Variants in UNC13B observed in about 807,000 individuals in gnomAD.
UNC13B encodes the protein protein unc-13 homolog B.
UNC13B carries 144 observed loss-of-function variants against 211.0 expected under a neutral mutation model. That is an observed-to-expected ratio of 0.68 (90% CI 0.60 to 0.78). UNC13B has a LOEUF of 0.78. Among genes scored for constraint, UNC13B ranks in the 30% least tolerant of loss-of-function variants. The pLI, the probability that UNC13B is intolerant of heterozygous loss-of-function variation, is 0.00. For synonymous variants in UNC13B, 709 were observed against 725.8 expected (o/e 0.98, Z 0.37); for missense variants, 1,777 against 2,002.0 (o/e 0.89, Z 2.14).
At chr9:35,203,753 T>TGGAACTTATTTAAAAG (rs1823469913) in intron 1 of UNC13B, among the ~76,000 whole-genome samples, 1 of 152,180 alleles carries the variant, frequency 6.6e-6, no homozygotes, top group Non-Finnish European at 1.5e-5. Flanking sequence ...GACCTGAAAC[T>TGGAACTTATTTAAAAG]GGAACTTATT....
chr9:35,319,003 T>C (rs1830601991), intron 11 of UNC13B, among the ~76,000 whole-genome samples: 1 of 152,196 alleles, frequency 6.6e-6, no homozygotes, highest in East Asian at 1.9e-4. Context: ...AAAGAAAATA[T>C]AGCAAGTTGT....
At chr9:35,391,723 G>A (rs769403772) in intron 26 of UNC13B, among the ~76,000 whole-genome samples, 1 of 152,230 alleles carries the variant, frequency 6.6e-6, no homozygotes, top group Non-Finnish European at 1.5e-5. Flanking sequence ...TCTGGCTCCA[G>A]TGGGTTTGGG....
At chr9:35,194,386 GTCCAGAAGCCTT>G (rs1822827256) in intron 1 of UNC13B, among the ~76,000 whole-genome samples, 1 of 152,200 alleles carries the variant, frequency 6.6e-6, no homozygotes. Context: ...ACTGGGATCA[GTCCAGAAGCCTT>G]TGGATAACAC....
intron 11 of UNC13B, among the ~76,000 whole-genome samples, chr9:35,357,168 A>C (rs1401282551): frequency 6.6e-6 from 1 of 152,218 alleles, no homozygotes; most frequent in Non-Finnish European, 1.5e-5. Flanking sequence ...ACTGTTTTCC[A>C]AAGTCATTGC....
intron 1 of UNC13B, among the ~76,000 whole-genome samples, chr9:35,192,040 G>T (rs1822687456): frequency 6.6e-6 from 1 of 152,270 alleles, no homozygotes; most frequent in African/African-American, 2.4e-5. Context: ...GTTTGGATAG[G>T]GAGAGAGAAG....
intron 1 of UNC13B, among the ~76,000 whole-genome samples, chr9:35,214,480 G>A (rs117415681): frequency 0.065 from 9,808 of 151,850 alleles, 597 homozygotes; most frequent in Admixed American, 0.19. Context: ...AAGAAACTAG[G>A]TATATTTGAA....
chr9:35,182,716 C>T (rs1395929084), intron 1 of UNC13B, among the ~76,000 whole-genome samples: 3 of 152,202 alleles, frequency 2.0e-5, no homozygotes, highest in Non-Finnish European at 4.4e-5. Flanking sequence ...TAACAAAGCA[C>T]ATCTTGCACC....
intron 1 of UNC13B, among the ~76,000 whole-genome samples, chr9:35,213,152 T>A (rs1453309216): frequency 6.6e-6 from 1 of 152,228 alleles, no homozygotes; most frequent in Non-Finnish European, 1.5e-5. Context: ...TGAATTGTGA[T>A]GCCCTCCACC....
chr9:35,165,432 A>G (rs1209965714), intron 1 of UNC13B, among the ~76,000 whole-genome samples: 1 of 115,744 alleles, frequency 8.6e-6, no homozygotes, highest in Non-Finnish European at 1.9e-5. Context: ...TTTTTTTTTT[A>G]ATTTTTTGAG....
At chr9:35,369,205 A>G (rs1427470103) in intron 12 of UNC13B, among the ~76,000 whole-genome samples, 1 of 152,138 alleles carries the variant, frequency 6.6e-6, no homozygotes, top group Admixed American at 6.5e-5. Flanking sequence ...CTTTGCCTAG[A>G]TAGCTACAAG....
intron 24 of UNC13B, 40 bp from the exon 25 acceptor site, chr9:35,389,802 TCTGA>T: frequency 6.2e-7 from 1 of 1,609,062 alleles, no homozygotes; most frequent in Non-Finnish European, 8.5e-7. Context: ...TACATTCTAC[TCTGA>T]CTCTTTCTCC....
intron 1 of UNC13B, among the ~76,000 whole-genome samples, chr9:35,210,064 AC>A (rs1289289452): frequency 6.6e-6 from 1 of 152,092 alleles, no homozygotes; most frequent in East Asian, 1.9e-4. Context: ...ACAAAATAAT[AC>A]CCAGTTACTA....
rs1829882217 is a variant in UNC13B at position 35,305,521 on chromosome 9, G to A, written c.6117G>A (p.Gly2039=). Residue 2039 remains glycine (G), a synonymous_variant, in exon 9 of 40, where the codon GGG becomes GGA. Transcript: ENST00000635942. ...NFPAAPISSK[G]KARVRRLNKQ... is the part of the protein sequence containing the mutation. The stretch of plus-strand genomic sequence containing the variant: ...CTGCTGCACCAATTTCCTCTAAAGG[G>A]AAGGCTAGAGTTAGAAGACTGAACA... 1 of 399,012 alleles carries A rather than the reference G, an allele frequency of 2.5e-6. No individual in the cohort carries two copies. 24.7% of individuals were successfully genotyped at this position (399,012 alleles called of 1,614,324 possible).
chr9:35,242,852 G>T (rs1825882952), intron 5 of UNC13B, among the ~76,000 whole-genome samples: 1 of 152,020 alleles, frequency 6.6e-6, no homozygotes, highest in South Asian at 2.1e-4. Context: ...AATTTTTTTG[G>T]GAGAAAACCT....
Position 35,378,359 on chromosome 9 carries a change from G to A in UNC13B, c.10128G>A (p.Val3376=), listed in dbSNP as rs766973339. The part of the protein sequence containing the change: ...KTGSSDPYVT[V]QVSKTKKRTK... ...GATCCAGTGACCCTTACGTGACTGT[G>A]CAAGTCAGCAAAACTAAGAAGCGTA... Residue 3376 remains valine (V), a synonymous_variant, in exon 17 of 40, where the codon GTG becomes GTA. Transcript: ENST00000635942. 53 of 1,614,030 alleles carry A rather than the reference G, an allele frequency of 3.3e-5. No individual in the cohort carries two copies. Among genetic ancestry groups the A allele is most frequent in the Non-Finnish European group, 3.6e-5 (42 of 1,180,020 alleles).
chr9:35,217,636 G>A (rs112553322), intron 1 of UNC13B, among the ~76,000 whole-genome samples: 14 of 152,048 alleles, frequency 9.2e-5, no homozygotes, highest in Non-Finnish European at 1.5e-4. Context: ...TGATCCGCCC[G>A]CCTCGGCCTC....
At chr9:35,386,120 A>C (rs752743889) in intron 23 of UNC13B, 45 bp from the exon 24 acceptor site, 3 of 1,612,612 alleles carry the variant, frequency 1.9e-6, no homozygotes, top group Admixed American at 3.3e-5. Context: ...TATCCCACCC[A>C]GGTGAGCAGG....
In UNC13B at chr9:35,403,615, G is replaced by T. The variant is rs748147337; in HGVS notation, c.12737+16G>T. On this transcript the variant is annotated intron_variant, in intron 39 of 39. Coordinates refer to ENST00000635942, the MANE Select transcript of UNC13B (RefSeq NM_001371189.2). ...CATTCCACTTGTAAGTTACGGGGGG[G>T]ACATACAGGACTCTGGGATGGGGGT... 6.7e-6 allele frequency: 9 copies of T among 1,352,674 alleles called. No homozygotes were observed. Among genetic ancestry groups the T allele is most frequent in the Non-Finnish European group, 8.8e-6 (9 of 1,020,712 alleles). 83.8% of individuals were successfully genotyped at this position (1,352,674 alleles called of 1,614,324 possible).
chr9:35,181,963 G>C (rs1011610470), intron 1 of UNC13B, among the ~76,000 whole-genome samples: 3 of 152,196 alleles, frequency 2.0e-5, no homozygotes, highest in Non-Finnish European at 4.4e-5. Context: ...CTCCTGTGTG[G>C]ATGGCTGGAC....
Sources: gnomAD v4.1 joint callset for allele counts (sites outside exome capture counted in the v4.1 genomes callset) on GRCh38, gnomAD v4.1.1 for gene constraint, MANE v1.5 for transcripts, NCBI Gene and HGNC (gene_info 2026-07-23, HGNC 2026-07-21) for gene names.